KCNQ1OT1: variants seen among roughly 807,000 people sequenced by gnomAD.
KCNQ1OT1 encodes the protein KCNQ1 opposite strand/antisense transcript 1.
chr11:2,673,604 G>T lies in KCNQ1OT1; in HGVS notation n.26391C>A, dbSNP rs987560776. 7.5e-6 allele frequency: 3 copies of T among 398,642 alleles called. No homozygotes were observed. The highest frequency in any genetic ancestry group is 4.1e-5 in the African/African-American group (2 of 48,638). The allele number at this position is 398,642 out of a possible 1,614,324, so 24.7% of individuals were successfully genotyped here. On this transcript the variant is annotated non_coding_transcript_exon_variant, in exon 1 of 1. Transcript: ENST00000597346. The surrounding 1 kb of genome is among the most constrained non-coding windows in gnomAD (Gnocchi z 4.5). ...TACTTGGGCTAAAGAGAAGCTAAACGTGACCAGCCTACCCACCTTGCTACT... is the reference window on the plus strand; with the variant it reads ...TACTTGGGCTAAAGAGAAGCTAAACTTGACCAGCCTACCCACCTTGCTACT...
exon 1 of KCNQ1OT1, chr11:2,681,444 GA>G: frequency 2.5e-6 from 1 of 398,454 alleles, no homozygotes; most frequent in Non-Finnish European, 4.4e-6. Context: ...GGGATTTTGG[GA>G]CCAGATAACC....
In KCNQ1OT1 at chr11:2,691,944, C is replaced by T. The variant is rs1197937290; in HGVS notation, n.8051G>A. On this transcript the variant is annotated non_coding_transcript_exon_variant, in exon 1 of 1. Coordinates refer to ENST00000597346, the Ensembl canonical transcript of KCNQ1OT1. This position sits in a 1 kb window ranked among gnomAD's most constrained non-coding sequence, Gnocchi z 6.4. Reference sequence around the variant, plus strand: ...TGGCAGGTTTTCCCTTCTGGCATGGCCACTAAATGCCAGTGCCTTTCTCTA... The same window carrying T: ...TGGCAGGTTTTCCCTTCTGGCATGGTCACTAAATGCCAGTGCCTTTCTCTA... 2.5e-6 allele frequency: 1 copy of T among 398,654 alleles called. No individual in the cohort carries two copies. The highest frequency in any genetic ancestry group is 4.4e-6 in the Non-Finnish European group (1 of 226,126). 24.7% of individuals were successfully genotyped at this position (398,654 alleles called of 1,614,324 possible). A position where few individuals can be genotyped will look rare whatever the true frequency, so the allele number is the denominator to read the frequency against.
chr11:2,610,716 CT>C (rs1167505141), exon 1 of KCNQ1OT1: 13,555 of 221,714 alleles, frequency 0.061, 1 homozygote, highest in East Asian at 0.068. Flanking sequence ...TCTTGGTTGG[CT>C]TTTTTTTTTT....
At chr11:2,688,648 CAT>C (rs1450559379) in exon 1 of KCNQ1OT1, 1 of 398,700 alleles carries the variant, frequency 2.5e-6, no homozygotes, top group East Asian at 3.6e-5. Flanking sequence ...GCCTCCTAAA[CAT>C]AGGGCTGCCT....
At position 2,645,539 on chromosome 11, in the gene KCNQ1OT1, T is replaced by C. The variant is rs942780666; in HGVS notation, n.54456A>G. The C allele has an allele frequency of 2.5e-6, 1 of 398,282 alleles. No individual in the cohort carries two copies. Among genetic ancestry groups the C allele is most frequent in the African/African-American group, 2.1e-5 (1 of 48,512 alleles). The allele number at this position is 398,282 out of a possible 1,614,324, so 24.7% of individuals were successfully genotyped here. On this transcript the variant is annotated non_coding_transcript_exon_variant, in exon 1 of 1. Coordinates refer to ENST00000597346, the Ensembl canonical transcript of KCNQ1OT1. The surrounding 1 kb of genome is among the most constrained non-coding windows in gnomAD (Gnocchi z 5.8). ...CAGCCCTACTCCTGGGGAAGTTGAGTGGGATTGCTTTCAGTGGCAGCAGCT... is the reference window on the plus strand; with the variant it reads ...CAGCCCTACTCCTGGGGAAGTTGAGCGGGATTGCTTTCAGTGGCAGCAGCT...
rs1369479183 is a variant in KCNQ1OT1 at position 2,684,183 on chromosome 11, G to A, written n.15812C>T. The A allele has an allele frequency of 7.5e-6, 3 of 398,616 alleles. No homozygotes were observed. The East Asian group carries it at 1.1e-4, about 14-fold the overall frequency. The allele number at this position is 398,616 out of a possible 1,614,324, so 24.7% of individuals were successfully genotyped here. Reference sequence around the variant, plus strand: ...GACTTAGGAAGAGAAGCGCCCACTGGGGCTTGGTCAGACTCTGCCAGGAGA... The same window carrying A: ...GACTTAGGAAGAGAAGCGCCCACTGAGGCTTGGTCAGACTCTGCCAGGAGA... On this transcript the variant is annotated non_coding_transcript_exon_variant, in exon 1 of 1. Coordinates refer to ENST00000597346, the Ensembl canonical transcript of KCNQ1OT1.
At chr11:2,643,101 GT>G in exon 1 of KCNQ1OT1, 6 of 398,148 alleles carry the variant, frequency 1.5e-5, no homozygotes, top group Middle Eastern at 6.3e-4. Context: ...CCTGGAGAGT[GT>G]TCCATGTACT....
chr11:2,620,935 GTTGTT>G lies in KCNQ1OT1; in HGVS notation n.79055_79059del, dbSNP rs893304638. ...TATGGTTTGGTGTTTTTTTGTTGTT[GTTGTT>G]TTGTTTTGTTTTTTTTTGTCTGTTT... On this transcript the variant is annotated non_coding_transcript_exon_variant, in exon 1 of 1. Coordinates refer to ENST00000597346, the Ensembl canonical transcript of KCNQ1OT1. This position sits in a 1 kb window ranked among gnomAD's most constrained non-coding sequence, Gnocchi z 4.5. The G allele has an allele frequency of 9.0e-6, 3 of 331,584 alleles. No individual in the cohort carries two copies. Among genetic ancestry groups the G allele is most frequent in the Non-Finnish European group, 1.0e-5 (2 of 200,422 alleles). 20.5% of individuals were successfully genotyped at this position (331,584 alleles called of 1,614,324 possible). A position where few individuals can be genotyped will look rare whatever the true frequency, so the allele number is the denominator to read the frequency against.
chr11:2,621,617 G>T lies in KCNQ1OT1; in HGVS notation n.78378C>A, dbSNP rs1176838363. The T allele has an allele frequency of 5.0e-6, 2 of 398,098 alleles. No individual in the cohort carries two copies. Among genetic ancestry groups the T allele is most frequent in the Non-Finnish European group, 4.4e-6 (1 of 225,958 alleles). The allele number at this position is 398,098 out of a possible 1,614,324, so 24.7% of individuals were successfully genotyped here. On this transcript the variant is annotated non_coding_transcript_exon_variant, in exon 1 of 1. Coordinates refer to ENST00000597346, the Ensembl canonical transcript of KCNQ1OT1. This position sits in a 1 kb window ranked among gnomAD's most constrained non-coding sequence, Gnocchi z 5.7. ...TTCCTGATTTAATCTTAGCAGGTTG[G>T]TTTTTTTCTAGGAATTTGTCCATTT...
At chr11:2,665,604 C>T (rs1302785979) in exon 1 of KCNQ1OT1, 1 of 396,808 alleles carries the variant, frequency 2.5e-6, no homozygotes, top group African/African-American at 2.1e-5. Flanking sequence ...CCCCCCAGGA[C>T]ACACTTAGGC....
chr11:2,629,877 A>G (rs945186973), exon 1 of KCNQ1OT1: 8 of 398,034 alleles, frequency 2.0e-5, no homozygotes, highest in Admixed American at 1.8e-4. Context: ...AACAGAGACA[A>G]TTTTACTTCC....
chr11:2,693,250 C>T, exon 1 of KCNQ1OT1: 1 of 398,778 alleles, frequency 2.5e-6, no homozygotes, highest in Non-Finnish European at 4.4e-6. Context: ...GCTACCTGTA[C>T]AGCTACCAGG....
chr11:2,650,318 GT>G (rs1018632035), exon 1 of KCNQ1OT1: 55 of 398,294 alleles, frequency 1.4e-4, no homozygotes, highest in African/African-American at 7.6e-4. Context: ...ATGTTTTCTT[GT>G]TTTTTTCCCC....
chr11:2,614,895 C>T (rs922818208), exon 1 of KCNQ1OT1: 3 of 398,240 alleles, frequency 7.5e-6, no homozygotes, highest in East Asian at 3.6e-5. Flanking sequence ...ATTCCATTTA[C>T]ATTTTAAAAT....
At position 2,678,391 on chromosome 11, in the gene KCNQ1OT1, A is replaced by T. The variant is rs1045826607; in HGVS notation, n.21604T>A. The T allele has an allele frequency of 5.0e-6, 2 of 398,550 alleles. No individual in the cohort carries two copies. Among genetic ancestry groups the T allele is most frequent in the African/African-American group, 4.1e-5 (2 of 48,732 alleles). The allele number at this position is 398,550 out of a possible 1,614,324, so 24.7% of individuals were successfully genotyped here. A position where few individuals can be genotyped will look rare whatever the true frequency, so the allele number is the denominator to read the frequency against. On this transcript the variant is annotated non_coding_transcript_exon_variant, in exon 1 of 1. Coordinates refer to ENST00000597346, the Ensembl canonical transcript of KCNQ1OT1. This position sits in a 1 kb window ranked among gnomAD's most constrained non-coding sequence, Gnocchi z 4.9. ...AATTAAATCCAATTTGGTTTCCCAT[A>T]TATTTGTCCAGTTGTCCAACACTAT...
At chr11:2,625,578 CTT>C (rs35148119) in exon 1 of KCNQ1OT1, 38,124 of 291,398 alleles carry the variant, frequency 0.13, 13 homozygotes, top group East Asian at 0.21. Flanking sequence ...GTCCTTTGCC[CTT>C]TTTTTTTTTT....
chr11:2,665,027 G>A, exon 1 of KCNQ1OT1: 3 of 398,624 alleles, frequency 7.5e-6, no homozygotes, highest in East Asian at 7.1e-5. Flanking sequence ...AGGTGGGGTG[G>A]GGGGTGAGCA....
At position 2,645,939 on chromosome 11, in the gene KCNQ1OT1, T is replaced by G. The variant is rs1237623330; in HGVS notation, n.54056A>C. On this transcript the variant is annotated non_coding_transcript_exon_variant, in exon 1 of 1. Transcript: ENST00000597346. The surrounding 1 kb of genome is among the most constrained non-coding windows in gnomAD (Gnocchi z 5.8). ...GTCTGTAGGTAGCCTCTTGTTAGTC[T>G]CAAGGCATCTATGGGTCAGGGGGTT... 1.0e-5 allele frequency: 4 copies of G among 398,478 alleles called. No homozygotes were observed. In the East Asian group the frequency reaches 1.4e-4, roughly 14 times the overall value. 24.7% of individuals were successfully genotyped at this position (398,478 alleles called of 1,614,324 possible).
In KCNQ1OT1 at chr11:2,668,016, T is replaced by G. The variant is rs962742407; in HGVS notation, n.31979A>C. Reference sequence around the variant, plus strand: ...CCTTGAGATTAACCACAGGCCTAACTGCTAGCAGCAAGGACCAGCTTTGCC... The same window carrying G: ...CCTTGAGATTAACCACAGGCCTAACGGCTAGCAGCAAGGACCAGCTTTGCC... On this transcript the variant is annotated non_coding_transcript_exon_variant, in exon 1 of 1. Transcript: ENST00000597346. This position sits in a 1 kb window ranked among gnomAD's most constrained non-coding sequence, Gnocchi z 4.3. 2 of 398,498 alleles carry G rather than the reference T, an allele frequency of 5.0e-6. No homozygotes were observed. Among genetic ancestry groups the G allele is most frequent in the African/African-American group, 4.1e-5 (2 of 48,622 alleles). 24.7% of individuals were successfully genotyped at this position (398,498 alleles called of 1,614,324 possible). A position where few individuals can be genotyped will look rare whatever the true frequency, so the allele number is the denominator to read the frequency against.
Sources: allele counts gnomAD v4.1 joint callset, GRCh38; gene constraint gnomAD v4.1.1; non-coding constraint Gnocchi (gnomAD v3.1); transcripts MANE v1.5; gene names NCBI Gene and HGNC (gene_info 2026-07-23, HGNC 2026-07-21).